Variants in APP observed in about 807,000 individuals in gnomAD.
The protein encoded by APP is amyloid-beta precursor protein.
Under a neutral mutation model 101.4 loss-of-function variants are expected in APP, and 31 were observed. The ratio of observed to expected loss-of-function variants is 0.31; its 90% CI spans 0.23 to 0.41. APP has a LOEUF of 0.41. Among genes scored for constraint, APP ranks in the 10% least tolerant of loss-of-function variants. APP has a pLI of 1.00. For missense variants in APP, 839 were observed against 1,003.7 expected, an observed-to-expected ratio of 0.84 and a Z score of 2.22; for synonymous variants, 366 against 364.4, an observed-to-expected ratio of 1.00 and a Z score of -0.05.
At chr21:25,984,298 C>T (rs1022630504) in intron 8 of APP, among the ~76,000 whole-genome samples, 19 of 152,002 alleles carry the variant, frequency 1.2e-4, no homozygotes, top group African/African-American at 4.6e-4. Flanking sequence ...AAAGAAAATA[C>T]AAACTAACAA....
At chr21:26,144,614 C>G (rs889918166) in intron 1 of APP, among the ~76,000 whole-genome samples, 9 of 152,052 alleles carry the variant, frequency 5.9e-5, no homozygotes, top group African/African-American at 9.7e-5. Context: ...ACAAAATAAG[C>G]TACAGATGTC....
chr21:25,944,978 T>C (rs1048670253), intron 13 of APP, among the ~76,000 whole-genome samples: 1 of 152,146 alleles, frequency 6.6e-6, no homozygotes, highest in African/African-American at 2.4e-5. Context: ...GTTGAGAAAA[T>C]AGCTTTGGAA....
intron 9 of APP, among the ~76,000 whole-genome samples, chr21:25,980,753 T>C (rs367841753): frequency 7.9e-5 from 12 of 152,208 alleles, no homozygotes; most frequent in African/African-American, 9.6e-5. Flanking sequence ...TTTTCAAGGG[T>C]AGATTTTCTT....
intron 1 of APP, among the ~76,000 whole-genome samples, chr21:26,165,763 A>G (rs1035379968): frequency 2.0e-5 from 3 of 152,130 alleles, no homozygotes; most frequent in Non-Finnish European, 4.4e-5. Context: ...CACAAAATAA[A>G]CCTAAATAAA....
At chr21:25,925,948 C>A (rs1403656330) in intron 13 of APP, among the ~76,000 whole-genome samples, 1 of 152,066 alleles carries the variant, frequency 6.6e-6, no homozygotes, top group Non-Finnish European at 1.5e-5. Context: ...CAAGCCAAAA[C>A]CAAAAACAAA....
intron 11 of APP, among the ~76,000 whole-genome samples, chr21:25,967,191 G>A (rs1260339941): frequency 6.6e-6 from 1 of 152,118 alleles, no homozygotes; most frequent in Non-Finnish European, 1.5e-5. Flanking sequence ...CGATGCTATA[G>A]AAACTGCCAA....
chr21:26,110,161 T>C lies in APP; in HGVS notation c.225+1818A>G, dbSNP rs137983633. 1.6e-3 allele frequency among the ~76,000 whole-genome samples: 242 copies of C among 152,326 alleles called. 7 individuals carry two copies. In the East Asian group the frequency reaches 0.031, roughly 20 times the overall value. On this transcript the variant is annotated intron_variant, in intron 2 of 17. Coordinates refer to ENST00000346798, the MANE Select transcript of APP (RefSeq NM_000484.4). ...AATGTTCTTGTAAAAATACATATAA[T>C]GGACCATACGTGGTAGCTCACGGCT...
intron 13 of APP, among the ~76,000 whole-genome samples, chr21:25,944,143 T>C (rs770288807): frequency 5.3e-5 from 8 of 152,212 alleles, no homozygotes; most frequent in South Asian, 2.1e-4. Context: ...TTTAGGAGCA[T>C]ATGTAAATAC....
chr21:25,917,898 A>G (rs567941242), intron 13 of APP, among the ~76,000 whole-genome samples: 34 of 151,444 alleles, frequency 2.2e-4, no homozygotes, highest in African/African-American at 7.0e-4. Flanking sequence ...CAAGACATGT[A>G]TGTGGCCAAC....
chr21:26,114,812 T>C (rs932433594), intron 1 of APP, among the ~76,000 whole-genome samples: 1 of 152,228 alleles, frequency 6.6e-6, no homozygotes, highest in Non-Finnish European at 1.5e-5. Context: ...TATGTGTGTA[T>C]GCTGACTATC....
At chr21:26,033,805 A>T (rs1347160693) in intron 5 of APP, among the ~76,000 whole-genome samples, 1 of 152,198 alleles carries the variant, frequency 6.6e-6, no homozygotes, top group African/African-American at 2.4e-5. Flanking sequence ...AAATAACAGC[A>T]CAGAACTGGT....
intron 17 of APP, among the ~76,000 whole-genome samples, chr21:25,882,520 A>G (rs560582119): frequency 1.4e-4 from 21 of 151,852 alleles, no homozygotes; most frequent in Middle Eastern, 3.4e-3. Context: ...AGGTCAGGCC[A>G]GTAACTGAAG....
chr21:25,922,918 C>T (rs1245196469), intron 13 of APP, among the ~76,000 whole-genome samples: 1 of 138,880 alleles, frequency 7.2e-6, no homozygotes, highest in Non-Finnish European at 1.5e-5. Flanking sequence ...GCCCGCATCG[C>T]CAAGTCAATC....
chr21:26,124,507 C>A (rs2062640912), intron 1 of APP, among the ~76,000 whole-genome samples: 3 of 152,218 alleles, frequency 2.0e-5, no homozygotes, highest in Admixed American at 2.0e-4. Flanking sequence ...GATGATCTAA[C>A]TGGACTCCAA....
chr21:26,098,299 C>G (rs1403710045), intron 2 of APP, among the ~76,000 whole-genome samples: 2 of 151,718 alleles, frequency 1.3e-5, no homozygotes, highest in South Asian at 4.1e-4. Context: ...TTTTGTTCCA[C>G]ATTTTAAAAA....
At chr21:26,166,873 A>T in intron 1 of APP, among the ~76,000 whole-genome samples, 2 of 129,986 alleles carry the variant, frequency 1.5e-5, no homozygotes, top group East Asian at 4.9e-4. Context: ...CACTCAAGTG[A>T]GAGAGAGAGA....
At chr21:25,896,754 C>T (rs1193951953) in intron 16 of APP, among the ~76,000 whole-genome samples, 1 of 152,150 alleles carries the variant, frequency 6.6e-6, no homozygotes, top group Non-Finnish European at 1.5e-5. Flanking sequence ...GTCTTCTTTG[C>T]ACAAACCTTT....
chr21:26,144,288 A>G (rs1028357468), intron 1 of APP, among the ~76,000 whole-genome samples: 4 of 152,284 alleles, frequency 2.6e-5, no homozygotes, highest in African/African-American at 9.6e-5. Context: ...GAGCCAAACC[A>G]CATCACTCAC....
Position 26,070,995 on chromosome 21 carries a change from C to T in APP, c.356-17647G>A, listed in dbSNP as rs532722155. 1.9e-3 allele frequency among the ~76,000 whole-genome samples: 288 copies of T among 152,200 alleles called. 1 individual carries two copies. Among genetic ancestry groups the T allele is most frequent in the African/African-American group, 6.7e-3 (278 of 41,526 alleles). ...CTTGACTGAATTTTATAATGAAAAACGTCTGTTCCTTCCAGGCAGAGCACG... is the reference window on the plus strand; with the variant it reads ...CTTGACTGAATTTTATAATGAAAAATGTCTGTTCCTTCCAGGCAGAGCACG... On this transcript the variant is annotated intron_variant, in intron 3 of 17. Transcript: ENST00000346798.
Sources: gnomAD v4.1 joint callset for allele counts (sites outside exome capture counted in the v4.1 genomes callset) on GRCh38, gnomAD v4.1.1 for gene constraint, MANE v1.5 for transcripts, NCBI Gene and HGNC (gene_info 2026-07-23, HGNC 2026-07-21) for gene names.